DNMBP: variants seen among roughly 807,000 people sequenced by gnomAD.
DNMBP encodes the protein dynamin binding protein, also known as dynamin-binding protein.
DNMBP carries 87 observed loss-of-function variants against 150.0 expected under a neutral mutation model. The ratio of observed to expected loss-of-function variants is 0.58; its 90% CI spans 0.49 to 0.69. DNMBP has a LOEUF of 0.69. Ranked by LOEUF, DNMBP falls within the 30% of genes least tolerant of loss-of-function variation. DNMBP has a pLI of 0.00. For missense variants in DNMBP, 1,774 were observed against 1,949.0 expected (o/e 0.91, Z 1.69); for synonymous variants, 711 against 750.4 (o/e 0.95, Z 0.86).
intron 3 of DNMBP, among the ~76,000 whole-genome samples, chr10:99,962,503 C>T (rs1461515391): frequency 6.6e-5 from 10 of 152,234 alleles, no homozygotes; most frequent in South Asian, 2.1e-4. Flanking sequence ...TGGTGGCGGG[C>T]GCCTGTAGTC....
intron 4 of DNMBP, among the ~76,000 whole-genome samples, chr10:99,934,143 AAAT>A: frequency 6.6e-6 from 1 of 152,216 alleles, no homozygotes; most frequent in Non-Finnish European, 1.5e-5. Context: ...CACTGAAACC[AAAT>A]AATATCAAAT....
chr10:99,892,142 C>T (rs2039579644), intron 11 of DNMBP, among the ~76,000 whole-genome samples: 1 of 138,064 alleles, frequency 7.2e-6, no homozygotes, highest in South Asian at 2.4e-4. Flanking sequence ...CCCCTCTGCC[C>T]GGCCAGCCGC....
chr10:100,005,137 C>T (rs906084284), intron 1 of DNMBP, among the ~76,000 whole-genome samples: 3 of 152,060 alleles, frequency 2.0e-5, no homozygotes, highest in Non-Finnish European at 4.4e-5. Context: ...TACAGGAGTC[C>T]TCAAATATTA....
intron 4 of DNMBP, among the ~76,000 whole-genome samples, chr10:99,950,065 G>A (rs1231404465): frequency 6.6e-6 from 1 of 152,130 alleles, no homozygotes; most frequent in Non-Finnish European, 1.5e-5. Flanking sequence ...CGTGTTGTGG[G>A]AGGGACCTGG....
At chr10:99,920,596 T>C (rs1372735433) in intron 4 of DNMBP, among the ~76,000 whole-genome samples, 1 of 152,204 alleles carries the variant, frequency 6.6e-6, no homozygotes, top group East Asian at 1.9e-4. Flanking sequence ...ACCTTGGACA[T>C]GTTATACAAC....
In DNMBP at chr10:99,880,222, G is replaced by A. The variant is rs1322105904; in HGVS notation, c.4137C>T (p.Ser1379=). Residue 1379 remains serine, a synonymous_variant, in exon 16 of 17, where the codon AGC becomes AGT. Transcript: ENST00000324109. ...TGGGGTTGAAGGTCAGGGTGCTGCC[G>A]CTGTTCTGGCGTGGGAACCTGGGGG... ...SSSPRFPRQN[S]GSTLTFNPSS... is the part of the protein sequence containing the mutation. The A allele has an allele frequency of 1.4e-5, 23 of 1,613,996 alleles. No individual in the cohort carries two copies. The highest frequency in any genetic ancestry group is 4.0e-5 in the African/African-American group (3 of 74,912).
intron 3 of DNMBP, 109 bp downstream of exon 3, chr10:99,969,006 C>T: frequency 3.1e-6 from 4 of 1,300,358 alleles, no homozygotes; most frequent in Non-Finnish European, 4.3e-6. Flanking sequence ...TTGCCGAGGA[C>T]TCTCTAGAGG....
At chr10:99,957,450 G>A in intron 3 of DNMBP, 1 of 552,506 alleles carries the variant, frequency 1.8e-6, no homozygotes, top group Non-Finnish European at 3.2e-6. Flanking sequence ...AATCTGTGAG[G>A]TCAAAACCAT....
chr10:99,899,820 G>A, intron 7 of DNMBP, 99 bp downstream of exon 7: 3 of 1,288,848 alleles, frequency 2.3e-6, no homozygotes, highest in Non-Finnish European at 3.4e-6. Context: ...GATATCTTAT[G>A]TTTAAAATAA....
chr10:99,970,971 CAAAA>C lies in DNMBP; in HGVS notation c.145+1005_145+1008del, dbSNP rs532226561. On this transcript the variant is annotated intron_variant, in intron 2 of 16. Coordinates refer to ENST00000324109, the MANE Select transcript of DNMBP (RefSeq NM_015221.4). ...TGGGCAACAGAGCAAGACTCCGTCT[CAAAA>C]AAAAAAAAAAAAAAAAAAAAAAAGG... Among the ~76,000 whole-genome samples the C allele has an allele frequency of 7.3e-3, 242 of 33,182 alleles. 5 individuals carry two copies. The highest frequency in any genetic ancestry group is 0.022 in the African/African-American group (217 of 10,048). 21.8% of individuals were successfully genotyped at this position (33,182 alleles called of 152,430 possible). A position where few individuals can be genotyped will look rare whatever the true frequency, so the allele number is the denominator to read the frequency against.
intron 4 of DNMBP, among the ~76,000 whole-genome samples, chr10:99,931,559 T>C (rs756712764): frequency 6.6e-6 from 1 of 152,238 alleles, no homozygotes; most frequent in Non-Finnish European, 1.5e-5. Context: ...TCCCAGATAC[T>C]TGTCATGCCA....
At position 99,914,348 on chromosome 10, in the gene DNMBP, G is replaced by T. The variant is rs1217438824; in HGVS notation, c.2261-5202C>A. Among the ~76,000 whole-genome samples the T allele has an allele frequency of 1.3e-5, 2 of 152,000 alleles. 1 individual carries two copies. Among genetic ancestry groups the T allele is most frequent in the East Asian group, 3.9e-4 (2 of 5,182 alleles). ...TGCTAAGCCTTTTTGTTGTTGTTTT[G>T]CGTGGGAAATGGGGAATGCCCTTTT... On this transcript the variant is annotated intron_variant, in intron 4 of 16. Coordinates refer to ENST00000324109, the MANE Select transcript of DNMBP (RefSeq NM_015221.4).
chr10:99,885,892 T>TA, intron 13 of DNMBP, 26 bp from the exon 14 acceptor site: 2 of 1,572,042 alleles, frequency 1.3e-6, no homozygotes, highest in Non-Finnish European at 1.7e-6. Context: ...AGAGCAGAGA[T>TA]AGAGAAAAGA....
At chr10:99,896,849 T>C (rs2039663834) in intron 9 of DNMBP, among the ~76,000 whole-genome samples, 1 of 152,216 alleles carries the variant, frequency 6.6e-6, no homozygotes, top group South Asian at 2.1e-4. Flanking sequence ...TTAATTACCA[T>C]GTTAAACATT....
intron 1 of DNMBP, among the ~76,000 whole-genome samples, chr10:99,976,257 C>T (rs972290137): frequency 2.0e-5 from 3 of 152,184 alleles, no homozygotes; most frequent in Non-Finnish European, 4.4e-5. Context: ...ACGGAGCTTA[C>T]CATTTCAACA....
At chr10:99,942,506 G>A (rs2040311480) in intron 4 of DNMBP, among the ~76,000 whole-genome samples, 1 of 152,138 alleles carries the variant, frequency 6.6e-6, no homozygotes, top group Non-Finnish European at 1.5e-5. Context: ...CGCAACTAAG[G>A]GTCTCAGGCT....
At chr10:99,954,782 G>A (rs2040464844) in intron 4 of DNMBP, among the ~76,000 whole-genome samples, 1 of 149,746 alleles carries the variant, frequency 6.7e-6, no homozygotes, top group South Asian at 2.1e-4. Flanking sequence ...CGGGCGTGGT[G>A]GCTCATGCCT....
chr10:99,951,542 C>T (rs2040422576), intron 4 of DNMBP, among the ~76,000 whole-genome samples: 1 of 152,224 alleles, frequency 6.6e-6, no homozygotes, highest in Non-Finnish European at 1.5e-5. Context: ...CCGCCCAACA[C>T]CATGGGAACC....
intron 1 of DNMBP, among the ~76,000 whole-genome samples, chr10:100,004,254 A>AAT (rs1350277783): frequency 8.6e-5 from 13 of 150,558 alleles, no homozygotes; most frequent in East Asian, 5.8e-4. Context: ...CAAAAGAAAA[A>AAT]ATATATATAT....
Sources: allele counts gnomAD v4.1 joint callset (sites outside exome capture counted in the v4.1 genomes callset), GRCh38; gene constraint gnomAD v4.1.1; transcripts MANE v1.5; gene names NCBI Gene and HGNC (gene_info 2026-07-23, HGNC 2026-07-21).